The following TANC2 variants were observed in gnomAD, a reference collection of about 807,000 sequenced individuals.
The protein encoded by TANC2 is protein TANC2.
TANC2 carries 26 observed loss-of-function variants against 210.5 expected under a neutral mutation model. The ratio of observed to expected loss-of-function variants is 0.12; its 90% CI spans 0.09 to 0.17. TANC2 has a LOEUF of 0.17. Among genes scored for constraint, TANC2 ranks in the 10% least tolerant of loss-of-function variants. The probability of loss-of-function intolerance (pLI) is 1.00; values close to 1 mark genes in which losing one functional copy is unlikely to be tolerated. For missense variants in TANC2, 2,129 were observed against 2,608.9 expected (o/e 0.82, Z 4.01); for synonymous variants, 931 against 967.1 (o/e 0.96, Z 0.69).
intron 4 of TANC2, among the ~76,000 whole-genome samples, chr17:63,099,786 T>TA (rs1270907628): frequency 6.6e-6 from 1 of 152,048 alleles, no homozygotes; most frequent in African/African-American, 2.4e-5. Flanking sequence ...ATTTTATATA[T>TA]TTTTTTAAAA....
chr17:63,273,782 G>A (rs1292587011), intron 9 of TANC2, among the ~76,000 whole-genome samples: 1 of 152,156 alleles, frequency 6.6e-6, no homozygotes, highest in Non-Finnish European at 1.5e-5. Context: ...TGTGGTCCTG[G>A]GACCAGCAGG....
chr17:63,076,813 A>G (rs150394041), intron 3 of TANC2, among the ~76,000 whole-genome samples: 1 of 152,296 alleles, frequency 6.6e-6, no homozygotes, highest in Admixed American at 6.5e-5. Context: ...GCTTCGTAGA[A>G]TTATCAGAGA....
intron 4 of TANC2, among the ~76,000 whole-genome samples, chr17:63,131,478 A>G (rs913820125): frequency 2.6e-5 from 4 of 151,790 alleles, no homozygotes; most frequent in Admixed American, 6.6e-5. Context: ...AGGATAAAAC[A>G]TGTATTTCTT....
At chr17:63,014,509 C>T (rs1352559849) in intron 2 of TANC2, among the ~76,000 whole-genome samples, 2 of 152,120 alleles carry the variant, frequency 1.3e-5, no homozygotes, top group South Asian at 2.1e-4. Context: ...TTCTTCTCCT[C>T]GCCAGGGATT....
At chr17:63,322,682 T>G (rs564830363) in intron 11 of TANC2, among the ~76,000 whole-genome samples, 2 of 152,270 alleles carry the variant, frequency 1.3e-5, no homozygotes, top group African/African-American at 4.8e-5. Context: ...CAGTCCACAT[T>G]CTCATGAGAG....
chr17:63,061,214 A>G (rs537469051), intron 2 of TANC2, among the ~76,000 whole-genome samples: 61 of 152,142 alleles, frequency 4.0e-4, no homozygotes, highest in African/African-American at 1.2e-3. Context: ...TAAAAATACA[A>G]AAATTAGCCG....
rs1357236575 is a variant in TANC2 at position 63,362,563 on chromosome 17, C to CACCCTCAGCCT, written c.2582+7185_2582+7195dup. ...AGGCACCTGCAGGCCTGCACCAAGC[C>CACCCTCAGCCT]ACCCTCAGCCTACCCTCAGCCTCCC... is the stretch of plus-strand genomic sequence containing the variant. On this transcript the variant is annotated intron_variant, in intron 14 of 27. Coordinates refer to ENST00000689528, the Ensembl canonical transcript of TANC2. 6.6e-5 allele frequency among the ~76,000 whole-genome samples: 10 copies of CACCCTCAGCCT among 152,346 alleles called. No individual in the cohort carries two copies. The East Asian group carries it at 1.7e-3, about 26-fold the overall frequency.
At chr17:63,140,456 A>G (rs1286227777) in intron 4 of TANC2, among the ~76,000 whole-genome samples, 2 of 152,204 alleles carry the variant, frequency 1.3e-5, no homozygotes, top group African/African-American at 4.8e-5. Context: ...CACTATCTCA[A>G]CGTGAGACTT....
At chr17:63,081,404 T>C (rs2036765052) in intron 3 of TANC2, among the ~76,000 whole-genome samples, 3 of 152,224 alleles carry the variant, frequency 2.0e-5, no homozygotes, top group Admixed American at 2.0e-4. Flanking sequence ...AAGTAACAAA[T>C]ACCTACATTC....
chr17:62,989,815 A>C (rs1469351977), intron 1 of TANC2, among the ~76,000 whole-genome samples: 2 of 119,294 alleles, frequency 1.7e-5, no homozygotes, highest in African/African-American at 3.4e-5. Flanking sequence ...TCTGTCGCCC[A>C]GCCTGGAGTG....
chr17:63,195,845 C>T (rs543554037), intron 6 of TANC2, among the ~76,000 whole-genome samples: 1 of 152,188 alleles, frequency 6.6e-6, no homozygotes, highest in Non-Finnish European at 1.5e-5. Flanking sequence ...CAGAAGGCTA[C>T]ACCTGATCTA....
intron 2 of TANC2, among the ~76,000 whole-genome samples, chr17:63,042,722 A>T (rs993230504): frequency 1.3e-5 from 2 of 152,110 alleles, no homozygotes; most frequent in African/African-American, 4.8e-5. Flanking sequence ...TTAAGACCTA[A>T]GTAGTTTCTG....
chr17:63,406,367 A>G (rs2147291360), intron 21 of TANC2, 90 bp downstream of exon 21: 3 of 1,551,814 alleles, frequency 1.9e-6, no homozygotes, highest in African/African-American at 1.4e-5. Context: ...AGGAGATGCT[A>G]AGAACAGATA....
chr17:63,303,459 G>C (rs1473843932), intron 9 of TANC2, among the ~76,000 whole-genome samples: 1 of 152,190 alleles, frequency 6.6e-6, no homozygotes, highest in Non-Finnish European at 1.5e-5. Flanking sequence ...TCTGCTGAGA[G>C]GTCTGCTGTT....
At chr17:63,267,442 T>C (rs886201470) in intron 8 of TANC2, among the ~76,000 whole-genome samples, 1 of 152,166 alleles carries the variant, frequency 6.6e-6, no homozygotes, top group Non-Finnish European at 1.5e-5. Context: ...ATTTGCTTAG[T>C]TTGTTTTGCT....
intron 1 of TANC2, among the ~76,000 whole-genome samples, chr17:62,989,245 A>ATCT (rs2032732021): frequency 6.6e-6 from 1 of 152,238 alleles, no homozygotes; most frequent in South Asian, 2.1e-4. Flanking sequence ...TGTTCTCAGT[A>ATCT]AACAGTGAAC....
intron 14 of TANC2, among the ~76,000 whole-genome samples, chr17:63,369,510 G>A (rs1373128445): frequency 6.6e-6 from 1 of 151,950 alleles, no homozygotes; most frequent in Non-Finnish European, 1.5e-5. Context: ...TCTTCTCATG[G>A]AGTGTGCTTT....
In TANC2 at chr17:63,420,613, C is replaced by T. The variant is rs1049785318; in HGVS notation, c.4883C>T (p.Ala1628Val). 1 of 1,613,898 alleles carries T rather than the reference C, an allele frequency of 6.2e-7. No homozygotes were observed. The highest frequency in any genetic ancestry group is 8.5e-7 in the Non-Finnish European group (1 of 1,179,804). ...CTCCGGAGAGGCCCTCAGTATCGGGCCAGCCCTCCAGCTGAAAGTATGAGT... is the reference window on the plus strand; with the variant it reads ...CTCCGGAGAGGCCCTCAGTATCGGGTCAGCCCTCCAGCTGAAAGTATGAGT... The change falls in exon 28 of 28, where the codon GCC becomes GTC. Residue 1628 changes from alanine (A) to valine (V), a missense_variant. Ala to Val is a moderately conservative substitution (Grantham distance 64). Transcript: ENST00000689528. This position sits in a 1 kb window ranked among gnomAD's most constrained non-coding sequence, Gnocchi z 4.2.
chr17:63,174,588 C>A lies in TANC2; in HGVS notation c.434-19403C>A, dbSNP rs1257716262. ...TCTACCAAATTTGGTGTAAATAAAG[C>A]CCCTGGTAACCTGCTTTGATATGTC... On this transcript the variant is annotated intron_variant, in intron 5 of 27. Transcript: ENST00000689528. Among the ~76,000 whole-genome samples, 6 of 152,234 alleles carry A rather than the reference C, an allele frequency of 3.9e-5. No homozygotes were observed. In the South Asian group the frequency reaches 1.2e-3, roughly 32 times the overall value.
Sources: allele counts gnomAD v4.1 joint callset (sites outside exome capture counted in the v4.1 genomes callset), GRCh38; gene constraint gnomAD v4.1.1; non-coding constraint Gnocchi (gnomAD v3.1); transcripts MANE v1.5; gene names NCBI Gene and HGNC (gene_info 2026-07-23, HGNC 2026-07-21).